Variants in METAP1D observed in about 807,000 individuals in gnomAD.
METAP1D encodes the protein methionine aminopeptidase 1D, mitochondrial.
In METAP1D, 31 loss-of-function variants were observed where a neutral mutation model predicts 40.5. The ratio of observed to expected loss-of-function variants is 0.77; its 90% CI spans 0.58 to 1.03. METAP1D has a LOEUF of 1.03. Among genes scored for constraint, METAP1D ranks in the 50% least tolerant of loss-of-function variants. METAP1D has a pLI of 0.00. For missense variants in METAP1D, 411 were observed against 420.7 expected (o/e 0.98, Z 0.20); for synonymous variants, 151 against 146.4 (o/e 1.03, Z -0.22).
At chr2:172,010,747 T>TG (rs1052697127) in intron 1 of METAP1D, among the ~76,000 whole-genome samples, 3 of 135,350 alleles carry the variant, frequency 2.2e-5, no homozygotes, top group African/African-American at 7.7e-5. Context: ...ACCTGCCCAA[T>TG]GTTTTTTTTT....
At chr2:172,020,984 A>G (rs1413994581) in intron 1 of METAP1D, among the ~76,000 whole-genome samples, 3 of 152,172 alleles carry the variant, frequency 2.0e-5, no homozygotes, top group Non-Finnish European at 2.9e-5. Flanking sequence ...GCTTCCAAGG[A>G]GTCAAAAGTA....
intron 1 of METAP1D, among the ~76,000 whole-genome samples, chr2:172,025,884 A>G (rs1353985018): frequency 2.0e-5 from 3 of 152,204 alleles, no homozygotes; most frequent in African/African-American, 2.4e-5. Context: ...CCAAGGTGAT[A>G]TGTAGAAGCA....
At chr2:172,014,692 G>A (rs1688813986) in intron 1 of METAP1D, among the ~76,000 whole-genome samples, 1 of 151,926 alleles carries the variant, frequency 6.6e-6, no homozygotes, top group African/African-American at 2.4e-5. Context: ...TGGCCCTGTT[G>A]CCCAGGCTGG....
intron 1 of METAP1D, among the ~76,000 whole-genome samples, chr2:172,034,272 T>C (rs1033842561): frequency 6.6e-6 from 1 of 152,156 alleles, no homozygotes; most frequent in African/African-American, 2.4e-5. Context: ...TTTGTTACAC[T>C]AATCTACTTT....
rs1056698687 is a variant in METAP1D, at chr2:172,013,789, T to C, written c.40+13780T>C. Among the ~76,000 whole-genome samples, 4 of 151,738 alleles carry C rather than the reference T, an allele frequency of 2.6e-5. No homozygotes were observed. In the South Asian group the frequency reaches 6.2e-4, roughly 24 times the overall value. On this transcript the variant is annotated intron_variant, in intron 1 of 9. Transcript: ENST00000315796. ...AAGCATTTTTTCCAATTTGTAAATATATTTATAACAAAGAAACATTATACT... is the reference window on the plus strand; with the variant it reads ...AAGCATTTTTTCCAATTTGTAAATACATTTATAACAAAGAAACATTATACT...
chr2:172,011,175 C>A (rs1688711754), intron 1 of METAP1D, among the ~76,000 whole-genome samples: 1 of 152,038 alleles, frequency 6.6e-6, no homozygotes, highest in Non-Finnish European at 1.5e-5. Flanking sequence ...AGCATCACCA[C>A]AATCAGTTTT....
intron 2 of METAP1D, 58 bp downstream of exon 2, chr2:172,061,713 A>G: frequency 7.2e-7 from 1 of 1,395,044 alleles, no homozygotes; most frequent in South Asian, 1.8e-5. Flanking sequence ...TTGACTGCAG[A>G]AGTGATCAAA....
intron 1 of METAP1D, among the ~76,000 whole-genome samples, chr2:172,037,081 G>A (rs1229372519): frequency 6.6e-6 from 1 of 152,152 alleles, no homozygotes; most frequent in Non-Finnish European, 1.5e-5. Context: ...CCAACATGGA[G>A]AAACCCTGTC....
intron 7 of METAP1D, among the ~76,000 whole-genome samples, chr2:172,078,766 T>C (rs966553531): frequency 6.6e-6 from 1 of 152,098 alleles, no homozygotes; most frequent in African/African-American, 2.4e-5. Context: ...GGAGTGAAGC[T>C]ATTTGAAGTC....
chr2:172,023,371 C>T (rs1486540465), intron 1 of METAP1D, among the ~76,000 whole-genome samples: 10 of 152,134 alleles, frequency 6.6e-5, no homozygotes, highest in African/African-American at 2.2e-4. Flanking sequence ...TAATTTCTTC[C>T]TGGCCTAAGT....
intron 1 of METAP1D, among the ~76,000 whole-genome samples, chr2:172,007,540 G>A (rs1688615585): frequency 1.3e-5 from 2 of 152,032 alleles, no homozygotes; most frequent in Admixed American, 6.6e-5. Context: ...AGGCCAGTGT[G>A]GGCTCATGTG....
intron 1 of METAP1D, among the ~76,000 whole-genome samples, chr2:172,056,050 A>C (rs6742001): frequency 2.6e-5 from 4 of 152,114 alleles, no homozygotes; most frequent in Non-Finnish European, 5.9e-5. Flanking sequence ...TTCCCCCTAT[A>C]ATGACTGTGT....
chr2:172,062,812 C>T (rs1574136496), intron 2 of METAP1D, among the ~76,000 whole-genome samples: 1 of 152,358 alleles, frequency 6.6e-6, no homozygotes, highest in South Asian at 2.1e-4. Flanking sequence ...GCCCTAACCT[C>T]AGCCCTTCCA....
intron 6 of METAP1D, among the ~76,000 whole-genome samples, chr2:172,075,743 C>A (rs139170248): frequency 6.6e-6 from 1 of 152,114 alleles, no homozygotes; most frequent in East Asian, 1.9e-4. Flanking sequence ...AACCACCTAC[C>A]AATCCAGAAG....
intron 1 of METAP1D, among the ~76,000 whole-genome samples, chr2:172,010,826 C>T (rs545946599): frequency 5.3e-5 from 8 of 149,972 alleles, no homozygotes; most frequent in Admixed American, 4.7e-4. Flanking sequence ...TCGATCTCCA[C>T]TCACTGCAAC....
intron 1 of METAP1D, among the ~76,000 whole-genome samples, chr2:172,034,132 T>C (rs570805444): frequency 5.5e-4 from 83 of 151,680 alleles, no homozygotes; most frequent in Middle Eastern, 3.4e-3. Flanking sequence ...ATGGAAATAT[T>C]TACAGTTGAA....
At chr2:172,036,567 G>T (rs1424544882) in intron 1 of METAP1D, among the ~76,000 whole-genome samples, 1 of 151,504 alleles carries the variant, frequency 6.6e-6, no homozygotes, top group Non-Finnish European at 1.5e-5. Context: ...GGGTTTCACA[G>T]TGTTAGCCAG....
rs938742140 is a variant in METAP1D, at chr2:172,066,326, A to G, written c.540+20A>G. 4.4e-6 allele frequency: 7 copies of G among 1,602,834 alleles called. No individual in the cohort carries two copies. The highest frequency in any genetic ancestry group is 6.0e-6 in the Non-Finnish European group (7 of 1,173,016). ...GTCACAGTGAGTAAATCATATAAAAAATTGTCTTTGATCAACTTCAGAATT... is the reference window on the plus strand; with the variant it reads ...GTCACAGTGAGTAAATCATATAAAAGATTGTCTTTGATCAACTTCAGAATT... On this transcript the variant is annotated intron_variant, in intron 5 of 9. Transcript: ENST00000315796.
In METAP1D at chr2:172,080,418, A is replaced by C. The variant is rs770441915; in HGVS notation, c.*12A>C. 3 of 1,613,628 alleles carry C rather than the reference A, an allele frequency of 1.9e-6. No individual in the cohort carries two copies. The highest frequency in any genetic ancestry group is 2.5e-6 in the Non-Finnish European group (3 of 1,179,726). On this transcript the variant is annotated 3_prime_UTR_variant, in exon 10 of 10. Transcript: ENST00000315796. ...CCCATGAGGCCTGAGGAGCCGCCCG[A>C]AGGTCGCGGTGACCTGGTGCCTTTT...
Sources: gnomAD v4.1 joint callset for allele counts (sites outside exome capture counted in the v4.1 genomes callset) on GRCh38, gnomAD v4.1.1 for gene constraint, MANE v1.5 for transcripts, NCBI Gene and HGNC (gene_info 2026-07-23, HGNC 2026-07-21) for gene names.